NLRP13: variants seen among roughly 807,000 people sequenced by gnomAD.
The protein encoded by NLRP13 is NLR family pyrin domain containing 13.
NLRP13 carries 82 observed loss-of-function variants against 94.4 expected under a neutral mutation model. The ratio of observed to expected loss-of-function variants is 0.87; its 90% confidence interval spans 0.73 to 1.04. NLRP13 has a LOEUF of 1.04. Ranked by LOEUF, NLRP13 falls within the 50% of genes least tolerant of loss-of-function variation. NLRP13 has a pLI of 0.00. For synonymous variants in NLRP13, 553 were observed against 464.7 expected, an observed-to-expected ratio of 1.19 and a Z score of -2.45; for missense variants, 1,426 against 1,230.8, an observed-to-expected ratio of 1.16 and a Z score of -2.37.
At position 55,898,756 on chromosome 19, in the gene NLRP13, C is replaced by G; in HGVS notation, c.2957+14G>C. The stretch of plus-strand genomic sequence containing the variant: ...GAGAAGGAAGACTCTGCAAGGAGAA[C>G]AGCATCAACTCACCCAAGTGTGTGC... On this transcript the variant is annotated intron_variant, in intron 10 of 10. Coordinates refer to ENST00000342929, the MANE Select transcript of NLRP13 (RefSeq NM_176810.2). 6.3e-7 allele frequency: 1 copy of G among 1,589,804 alleles called. No individual in the cohort carries two copies. Among genetic ancestry groups the G allele is most frequent in the Non-Finnish European group, 8.6e-7 (1 of 1,168,898 alleles).
At chr19:55,896,381 G>A (rs565124841) in intron 10 of NLRP13, among the ~76,000 whole-genome samples, 1 of 151,832 alleles carries the variant, frequency 6.6e-6, no homozygotes, top group African/African-American at 2.4e-5. Context: ...AATTAGCCAG[G>A]CATGTTGGCA....
At chr19:55,915,959 AC>A (rs2123130322) in intron 4 of NLRP13, among the ~76,000 whole-genome samples, 1 of 152,308 alleles carries the variant, frequency 6.6e-6, no homozygotes, top group East Asian at 1.9e-4. Flanking sequence ...AAACTACACA[AC>A]CCAATACAAA....
chr19:55,901,660 T>G (rs1253572202), intron 9 of NLRP13, among the ~76,000 whole-genome samples: 1 of 152,174 alleles, frequency 6.6e-6, no homozygotes. Flanking sequence ...CACATGTGAT[T>G]GCACGGGGAG....
At chr19:55,899,322 A>G (rs1321071084) in intron 9 of NLRP13, among the ~76,000 whole-genome samples, 1 of 152,182 alleles carries the variant, frequency 6.6e-6, no homozygotes, top group Non-Finnish European at 1.5e-5. Context: ...GCAGGTCTGA[A>G]TTTCCCAGAA....
intron 6 of NLRP13, 67 bp from the exon 7 acceptor site, chr19:55,908,023 C>G (rs1418695270): frequency 8.4e-6 from 12 of 1,434,938 alleles, no homozygotes; most frequent in Admixed American, 2.0e-5. Flanking sequence ...TCCCGTCTGC[C>G]TCCTCACCCT....
At chr19:55,909,944 C>T (rs1246402879) in intron 6 of NLRP13, among the ~76,000 whole-genome samples, 1 of 152,140 alleles carries the variant, frequency 6.6e-6, no homozygotes, top group East Asian at 1.9e-4. Flanking sequence ...TCTGCCTTTC[C>T]TACCTAAAAA....
chr19:55,905,419 G>A (rs539843809), intron 7 of NLRP13, among the ~76,000 whole-genome samples: 167 of 143,042 alleles, frequency 1.2e-3, no homozygotes, highest in Non-Finnish European at 2.1e-3. Flanking sequence ...ATATATACAC[G>A]TATATATACA....
chr19:55,908,438 C>A (rs564558030), intron 6 of NLRP13, among the ~76,000 whole-genome samples: 2 of 152,140 alleles, frequency 1.3e-5, no homozygotes, highest in Non-Finnish European at 2.9e-5. Flanking sequence ...CCCAAAGGAA[C>A]GTAAATCGTT....
At chr19:55,911,262 T>C (rs1006462931) in intron 5 of NLRP13, among the ~76,000 whole-genome samples, 7 of 152,172 alleles carry the variant, frequency 4.6e-5, no homozygotes, top group Non-Finnish European at 1.0e-4. Flanking sequence ...GACAGGGTCT[T>C]ACTCTGTTGC....
At chr19:55,909,698 G>A (rs1431687192) in intron 6 of NLRP13, among the ~76,000 whole-genome samples, 1 of 152,220 alleles carries the variant, frequency 6.6e-6, no homozygotes, top group Non-Finnish European at 1.5e-5. Context: ...GGTTGTAGCA[G>A]CTGGCTCCAA....
chr19:55,927,190 G>C (rs939012814), intron 1 of NLRP13, among the ~76,000 whole-genome samples: 7 of 151,932 alleles, frequency 4.6e-5, no homozygotes, highest in Non-Finnish European at 7.4e-5. Flanking sequence ...CCAGCGTGGG[G>C]AAACCCCATC....
intron 4 of NLRP13, among the ~76,000 whole-genome samples, chr19:55,917,569 G>A (rs1986703570): frequency 6.6e-6 from 1 of 151,890 alleles, no homozygotes; most frequent in Non-Finnish European, 1.5e-5. Flanking sequence ...AGGTAAAGGT[G>A]TAGAAAAAGA....
downstream of NLRP13, chr19:55,891,764 T>A: frequency 3.5e-6 from 1 of 285,994 alleles, no homozygotes; most frequent in Admixed American, 5.2e-5. Flanking sequence ...AAGGAGGACA[T>A]AGACAAGACT....
chr19:55,892,001 T>TCAC (rs1165056628), downstream of NLRP13: 1 of 903,068 alleles, frequency 1.1e-6, no homozygotes, highest in African/African-American at 1.7e-5. Flanking sequence ...ATCCGTGGGA[T>TCAC]CACCACCACC....
chr19:55,908,890 A>C (rs1051566548), intron 6 of NLRP13, among the ~76,000 whole-genome samples: 2 of 152,158 alleles, frequency 1.3e-5, no homozygotes, highest in African/African-American at 4.8e-5. Context: ...AGTGACATAC[A>C]CTTGTACCCC....
At chr19:55,910,453 CT>C in intron 6 of NLRP13, 109 bp downstream of exon 6, 1 of 1,050,534 alleles carries the variant, frequency 9.5e-7, no homozygotes, top group East Asian at 2.4e-5. Flanking sequence ...TTTTATCCTC[CT>C]GAGCACGTAG....
In NLRP13 at chr19:55,932,089, G is replaced by A. The variant is rs768198601; in HGVS notation, c.223C>T (p.His75Tyr). ...TTCCATGCCTGACCTTTTGGGAAGT[G>A]TTCATCCAAAAGAAAGGACAGATTC... The part of the protein sequence containing the change: ...PLNLSFLLDE[H>Y]FPKGQAWKVV... The change falls in exon 1 of 11, where the codon CAC becomes TAC. Residue 75 changes from histidine (H) to tyrosine (Y), a missense_variant. By Grantham distance (83) the His-to-Tyr change is moderately conservative. Transcript: ENST00000342929. 3 of 1,614,164 alleles carry A rather than the reference G, an allele frequency of 1.9e-6. No individual in the cohort carries two copies. In the East Asian group the frequency reaches 6.7e-5, roughly 36 times the overall value.
intron 1 of NLRP13, among the ~76,000 whole-genome samples, chr19:55,925,257 C>T (rs1986940278): frequency 6.6e-6 from 1 of 152,236 alleles, no homozygotes; most frequent in Non-Finnish European, 1.5e-5. Flanking sequence ...AGGGCCTTGG[C>T]TCCAGCCCTC....
At chr19:55,931,451 G>C (rs890819108) in intron 1 of NLRP13, among the ~76,000 whole-genome samples, 1 of 151,968 alleles carries the variant, frequency 6.6e-6, no homozygotes, top group Non-Finnish European at 1.5e-5. Flanking sequence ...GCTCACGCCT[G>C]TAATCCCAGT....
Sources: allele counts gnomAD v4.1 joint callset (sites outside exome capture counted in the v4.1 genomes callset), GRCh38; gene constraint gnomAD v4.1.1; transcripts MANE v1.5; gene names NCBI Gene and HGNC (gene_info 2026-07-23, HGNC 2026-07-21).